Variants in UMOD observed in about 807,000 individuals in gnomAD.
UMOD encodes the protein Tamm-Horsfall urinary glycoprotein.
Under a neutral mutation model 66.0 loss-of-function variants are expected in UMOD, and 64 were observed. The observed-to-expected ratio is 0.97, with a 90% CI of 0.79 to 1.19. The LOEUF is 1.19. Ranked by LOEUF, UMOD falls within the 50% of genes most tolerant of loss-of-function variation. The pLI, the probability that UMOD is intolerant of heterozygous loss-of-function variation, is 0.00. For missense variants in UMOD, 764 were observed against 850.9 expected, an observed-to-expected ratio of 0.90 and a Z score of 1.27; for synonymous variants, 398 against 352.7, an observed-to-expected ratio of 1.13 and a Z score of -1.44.
chr16:20,336,252 T>C (rs756858868), intron 9 of UMOD, among the ~76,000 whole-genome samples: 3 of 152,180 alleles, frequency 2.0e-5, no homozygotes, highest in Non-Finnish European at 4.4e-5. Context: ...TCTTCACTGA[T>C]TCACAAGCTC....
At chr16:20,348,091 G>A (rs1965681957) in intron 4 of UMOD, 132 bp downstream of exon 4, 1 of 846,112 alleles carries the variant, frequency 1.2e-6, no homozygotes, top group Middle Eastern at 2.9e-4. Context: ...TGGATCTTCT[G>A]TTTTCACTCA....
chr16:20,337,371 G>T lies in UMOD; in HGVS notation c.1660C>A (p.Arg554=). Residue 554 remains arginine, a synonymous_variant, in exon 8 of 11, where the codon CGG becomes AGG. Coordinates refer to ENST00000396138, the MANE Select transcript of UMOD (RefSeq NM_003361.4). ...ACTAGGTCATAGTTTCCAGCAAACC[G>T]GAACATCTGGACGGAAAATCGGCCC... is the stretch of plus-strand genomic sequence containing the variant. ...SQGRFSVQMF[R]FAGNYDLVYL... The T allele has an allele frequency of 6.2e-7, 1 of 1,614,168 alleles. No individual in the cohort carries two copies. Among genetic ancestry groups the T allele is most frequent in the Admixed American group, 1.7e-5 (1 of 60,020 alleles).
chr16:20,350,959 TTGCATAACAC>T, intron 1 of UMOD, 120 bp from the exon 2 acceptor site: 1 of 1,030,476 alleles, frequency 9.7e-7, no homozygotes, highest in Non-Finnish European at 1.4e-6. Flanking sequence ...GACTAAAAAA[TTGCATAACAC>T]TGCAGCCCTT....
chr16:20,342,686 A>G (rs1965299908), intron 6 of UMOD, among the ~76,000 whole-genome samples: 1 of 152,214 alleles, frequency 6.6e-6, no homozygotes, highest in African/African-American at 2.4e-5. Flanking sequence ...AAGTCACTCA[A>G]ACTTCTGTGA....
intron 5 of UMOD, 98 bp from the exon 6 acceptor site, chr16:20,344,270 C>T: frequency 7.8e-7 from 1 of 1,277,194 alleles, no homozygotes. Flanking sequence ...GGTCTCATGT[C>T]TGGCTACTTG....
intron 7 of UMOD, 102 bp from the exon 8 acceptor site, chr16:20,337,555 C>T: frequency 7.0e-7 from 1 of 1,418,908 alleles, no homozygotes; most frequent in Admixed American, 1.9e-5. Flanking sequence ...AGCTGTGTGA[C>T]TTTGGGCAAC....
rs1161220874 is a variant in UMOD at position 20,348,598 on chromosome 16, G to A, written c.703C>T (p.His235Tyr). Residue 235 changes from histidine to tyrosine, a missense_variant, in exon 3 of 11, where the codon CAT becomes TAT. Coordinates refer to ENST00000396138, the MANE Select transcript of UMOD (RefSeq NM_003361.4). ...TAAPMWLNGT[H>Y]PSSDEGIVSR... ...ACGATGCCCTCGTCGCTGGACGGAT[G>A]CGTGCCATTGAGCCACATGGGGGCG... The A allele has an allele frequency of 6.3e-7, 1 of 1,590,522 alleles. No individual in the cohort carries two copies. Among genetic ancestry groups the A allele is most frequent in the Non-Finnish European group, 8.5e-7 (1 of 1,173,640 alleles).
intron 6 of UMOD, among the ~76,000 whole-genome samples, chr16:20,342,032 G>A (rs769199331): frequency 1.3e-5 from 2 of 152,230 alleles, no homozygotes; most frequent in Non-Finnish European, 2.9e-5. Flanking sequence ...TGAAGACTGG[G>A]GTGAGATGTC....
upstream of UMOD, among the ~76,000 whole-genome samples, chr16:20,353,452 A>G (rs1219189139): frequency 1.3e-5 from 2 of 152,152 alleles, no homozygotes; most frequent in Admixed American, 1.3e-4. Flanking sequence ...CCAGAGGTCA[A>G]TTTCCTTGTC....
intron 7 of UMOD, among the ~76,000 whole-genome samples, chr16:20,338,773 T>G (rs560674827): frequency 1.3e-5 from 2 of 151,698 alleles, no homozygotes; most frequent in South Asian, 4.2e-4. Context: ...ATTTTTATTT[T>G]CTTGAGGTAG....
chr16:20,350,566 G>T, intron 2 of UMOD, 84 bp downstream of exon 2: 1 of 1,527,164 alleles, frequency 6.5e-7, no homozygotes, highest in Non-Finnish European at 9.0e-7. Context: ...GATCACCTCT[G>T]ACAGGTGCTA....
chr16:20,354,429 T>C (rs528783918), upstream of UMOD, among the ~76,000 whole-genome samples: 7 of 152,352 alleles, frequency 4.6e-5, no homozygotes, highest in South Asian at 1.0e-3. Flanking sequence ...CATTGGTAAC[T>C]TGCTTTCATC....
rs762457368 is a variant in UMOD, at chr16:20,348,272, C to A, written c.924G>T (p.Ser308=). 115 of 1,614,064 alleles carry A rather than the reference C, an allele frequency of 7.1e-5. 1 individual carries two copies. Among genetic ancestry groups the A allele is most frequent in the Non-Finnish European group, 9.5e-5 (112 of 1,180,048 alleles). Residue 308 remains serine (S), a synonymous_variant, in exon 4 of 11, where the codon TCG becomes TCT. Coordinates refer to ENST00000396138, the MANE Select transcript of UMOD (RefSeq NM_003361.4). ...EECSIDEDCK[S]NNGRWHCQCK... is the part of the protein sequence containing the mutation. ...ACTGGCAGTGCCATCTGCCATTATT[C>A]GATTTGCAGTCCTCGTCTATACTGC...
At chr16:20,335,202 C>A (rs2141628237) in intron 10 of UMOD, among the ~76,000 whole-genome samples, 1 of 152,236 alleles carries the variant, frequency 6.6e-6, no homozygotes, top group Middle Eastern at 3.4e-3. Context: ...GCCCAAGATG[C>A]AGATCTGGAG....
At chr16:20,345,272 C>T (rs188065417) in intron 5 of UMOD, among the ~76,000 whole-genome samples, 31 of 152,320 alleles carry the variant, frequency 2.0e-4, no homozygotes, top group African/African-American at 7.0e-4. Context: ...CCTCGGCCCC[C>T]CAAAGTGCTG....
chr16:20,346,757 G>C (rs115612278), intron 4 of UMOD, among the ~76,000 whole-genome samples: 1 of 152,092 alleles, frequency 6.6e-6, no homozygotes, highest in Non-Finnish European at 1.5e-5. Flanking sequence ...ATGAGAATAC[G>C]CATCTCCCAC....
rs746688683 is a variant in UMOD, at chr16:20,341,160, A to G, written c.1508T>C (p.Met503Thr). 9.9e-6 allele frequency: 16 copies of G among 1,614,110 alleles called. No individual in the cohort carries two copies. Among genetic ancestry groups the G allele is most frequent in the Non-Finnish European group, 1.4e-5 (16 of 1,180,032 alleles). ...ACTGGGTGTGGCATAGCAGTTGGTC[A>G]TGAGCAGTGCAAATCGGGACAGGTC... is the stretch of plus-strand genomic sequence containing the variant. Reference protein sequence around the residue: ...GGDLSRFALLMTNCYATPSSN... With the variant: ...GGDLSRFALLTTNCYATPSSN... The change falls in exon 7 of 11, where the codon ATG (methionine) becomes ACG (threonine). Residue 503 changes from methionine (M) to threonine (T), a missense_variant. Met to Thr is a moderately conservative substitution (Grantham distance 81). Coordinates refer to ENST00000396138, the MANE Select transcript of UMOD (RefSeq NM_003361.4).
At position 20,333,246 on chromosome 16, in the gene UMOD, C is replaced by G; in HGVS notation, c.*68G>C. 6.7e-7 allele frequency: 1 copy of G among 1,491,232 alleles called. No homozygotes were observed. Among genetic ancestry groups the G allele is most frequent in the Non-Finnish European group, 9.3e-7 (1 of 1,078,474 alleles). 92.4% of individuals were successfully genotyped at this position (1,491,232 alleles called of 1,614,324 possible). On this transcript the variant is annotated 3_prime_UTR_variant, in exon 11 of 11. Coordinates refer to ENST00000396138, the MANE Select transcript of UMOD (RefSeq NM_003361.4). Reference sequence around the variant, plus strand: ...CTTTTCTGTGGCTGGAGCACTGGCCCGCATCATGCCCCCTGCCCAGCAGGA... The same window carrying G: ...CTTTTCTGTGGCTGGAGCACTGGCCGGCATCATGCCCCCTGCCCAGCAGGA...
At chr16:20,345,591 C>T (rs1346004116) in intron 5 of UMOD, among the ~76,000 whole-genome samples, 2 of 145,698 alleles carry the variant, frequency 1.4e-5, no homozygotes, top group African/African-American at 5.1e-5. Flanking sequence ...TTCTTTCTTC[C>T]TCTCTTTCTC....
Sources: allele counts gnomAD v4.1 joint callset (sites outside exome capture counted in the v4.1 genomes callset), GRCh38; gene constraint gnomAD v4.1.1; transcripts MANE v1.5; gene names NCBI Gene and HGNC (gene_info 2026-07-23, HGNC 2026-07-21).